DSCAM: variants seen among roughly 807,000 people sequenced by gnomAD.
DSCAM encodes DS cell adhesion molecule, also known as cell adhesion molecule DSCAM.
In DSCAM, 47 loss-of-function variants were observed where a neutral mutation model predicts 217.7. That is an observed-to-expected ratio of 0.22 (90% CI 0.17 to 0.28). DSCAM has a LOEUF of 0.28. DSCAM is among the 10% of genes least tolerant of loss of function. The pLI, the probability that DSCAM is intolerant of heterozygous loss-of-function variation, is 1.00. For missense variants in DSCAM, 2,080 were observed against 2,618.3 expected (o/e 0.79, Z 4.49); for synonymous variants, 1,056 against 1,015.3 (o/e 1.04, Z -0.76).
rs376186649 is a variant in DSCAM at position 40,361,619 on chromosome 21, AAAAC to A, written c.655+7476_655+7479del. Among the ~76,000 whole-genome samples the A allele has an allele frequency of 6.9e-3, 1,055 of 152,122 alleles. 4 individuals carry two copies. The highest frequency in any genetic ancestry group is 0.014 in the Middle Eastern group (4 of 294). On this transcript the variant is annotated intron_variant, in intron 4 of 32. Coordinates refer to ENST00000400454, the MANE Select transcript of DSCAM (RefSeq NM_001389.5). ...GGCAACAGAGTGAGACTCCATCTCA[AAAAC>A]AAACAAACAAACAAACAAACAACAA...
chr21:40,819,716 G>T (rs1361570083), intron 1 of DSCAM, among the ~76,000 whole-genome samples: 1 of 152,268 alleles, frequency 6.6e-6, no homozygotes, highest in East Asian at 1.9e-4. Context: ...GAATATGTTT[G>T]CCATGATGGA....
At chr21:40,111,681 C>A (rs1490607175) in intron 20 of DSCAM, among the ~76,000 whole-genome samples, 3 of 152,110 alleles carry the variant, frequency 2.0e-5, no homozygotes, top group East Asian at 1.9e-4. Context: ...ATCTCACATG[C>A]AGAGACACAT....
chr21:40,131,877 G>A (rs1374988199), intron 19 of DSCAM, among the ~76,000 whole-genome samples: 1 of 152,070 alleles, frequency 6.6e-6, no homozygotes. Context: ...ATAATTGATT[G>A]ACAAATTAGA....
chr21:40,511,716 G>A (rs545427523), intron 3 of DSCAM, among the ~76,000 whole-genome samples: 17 of 152,188 alleles, frequency 1.1e-4, no homozygotes, highest in African/African-American at 4.1e-4. Context: ...TCTCGGCCGG[G>A]CGCGGTGGCT....
At chr21:40,306,612 G>A (rs1222140419) in intron 9 of DSCAM, among the ~76,000 whole-genome samples, 1,602 of 149,490 alleles carry the variant, frequency 0.011, 24 homozygotes, top group African/African-American at 0.038. Context: ...TTTGAGATAC[G>A]TCCCATCAAT....
At chr21:40,384,216 A>T (rs1040616132) in intron 3 of DSCAM, 6 of 152,674 alleles carry the variant, frequency 3.9e-5, no homozygotes, top group Non-Finnish European at 7.3e-5. Context: ...ACTGTGAGAC[A>T]AAAGGTAGAC....
intron 1 of DSCAM, among the ~76,000 whole-genome samples, chr21:40,756,949 T>A (rs4818170): frequency 0.7 from 105,760 of 151,574 alleles, 37,160 homozygotes; most frequent in Admixed American, 0.76. Context: ...CAATTCAGCC[T>A]GTAAGAAAGA....
chr21:40,418,409 T>A (rs905522697), intron 3 of DSCAM, among the ~76,000 whole-genome samples: 1 of 152,200 alleles, frequency 6.6e-6, no homozygotes, highest in Admixed American at 6.5e-5. Flanking sequence ...TGAAAAAAAC[T>A]ATGATATCTG....
intron 1 of DSCAM, among the ~76,000 whole-genome samples, chr21:40,794,067 T>C (rs1243942677): frequency 2.6e-5 from 4 of 152,170 alleles, no homozygotes; most frequent in Admixed American, 2.0e-4. Context: ...CCAACCTTCC[T>C]TGGCACTGCC....
chr21:40,474,538 A>G (rs1039714841), intron 3 of DSCAM, among the ~76,000 whole-genome samples: 6 of 152,178 alleles, frequency 3.9e-5, no homozygotes, highest in African/African-American at 1.4e-4. Context: ...ATGGAGCAGC[A>G]GCCGCGGGAG....
chr21:40,558,265 T>C (rs2076688330), intron 3 of DSCAM, among the ~76,000 whole-genome samples: 1 of 151,906 alleles, frequency 6.6e-6, no homozygotes, highest in Non-Finnish European at 1.5e-5. Flanking sequence ...GTTAACACGG[T>C]GAAACCCCGT....
intron 1 of DSCAM, among the ~76,000 whole-genome samples, chr21:40,808,157 C>A (rs2091804872): frequency 6.6e-6 from 1 of 152,138 alleles, no homozygotes. Context: ...AATGACCATC[C>A]AGCTTCAATG....
At chr21:40,324,621 A>G (rs187376225) in intron 8 of DSCAM, among the ~76,000 whole-genome samples, 2 of 152,358 alleles carry the variant, frequency 1.3e-5, no homozygotes, top group East Asian at 3.9e-4. Context: ...AAAACGACCA[A>G]GAACTTAAAA....
At chr21:40,812,373 T>A (rs2091846675) in intron 1 of DSCAM, among the ~76,000 whole-genome samples, 1 of 152,158 alleles carries the variant, frequency 6.6e-6, no homozygotes, top group Non-Finnish European at 1.5e-5. Flanking sequence ...AGCACTTATA[T>A]CTTCAGCTTG....
At chr21:40,536,455 G>A (rs1319485905) in intron 3 of DSCAM, among the ~76,000 whole-genome samples, 1 of 146,132 alleles carries the variant, frequency 6.8e-6, no homozygotes, top group Admixed American at 6.9e-5. Flanking sequence ...AGGCTGGAGT[G>A]CAGTGGCGCC....
intron 9 of DSCAM, among the ~76,000 whole-genome samples, chr21:40,308,536 T>TA (rs1312804353): frequency 6.6e-6 from 1 of 152,200 alleles, no homozygotes; most frequent in Admixed American, 6.5e-5. Flanking sequence ...AATAGCTCCC[T>TA]AATCTCCAGT....
intron 4 of DSCAM, among the ~76,000 whole-genome samples, chr21:40,361,065 G>A (rs879287775): frequency 4.1e-4 from 63 of 151,920 alleles, no homozygotes; most frequent in African/African-American, 1.1e-3. Context: ...CTGAATAACC[G>A]AACGGCATTG....
At chr21:40,493,863 CAAAAAA>C (rs57564776) in intron 3 of DSCAM, among the ~76,000 whole-genome samples, 7 of 125,418 alleles carry the variant, frequency 5.6e-5, no homozygotes, top group African/African-American at 1.7e-4. Context: ...AACTCCATCT[CAAAAAA>C]AAAAAAAAAA....
intron 24 of DSCAM, among the ~76,000 whole-genome samples, chr21:40,081,146 G>T (rs2089450297): frequency 2.0e-5 from 3 of 152,188 alleles, no homozygotes; most frequent in Admixed American, 2.0e-4. Flanking sequence ...TGAAGCCCAT[G>T]TTCTTCACCC....
Sources: allele counts gnomAD v4.1 joint callset (sites outside exome capture counted in the v4.1 genomes callset), GRCh38; gene constraint gnomAD v4.1.1; transcripts MANE v1.5; gene names NCBI Gene and HGNC (gene_info 2026-07-23, HGNC 2026-07-21).